Variants in DPH1 observed in about 807,000 individuals in gnomAD.
DPH1 encodes diphthamide biosynthesis 1.
DPH1 carries 59 observed loss-of-function variants against 55.3 expected under a neutral mutation model. The observed-to-expected ratio is 1.07, with a 90% CI of 0.87 to 1.33. The LOEUF (loss-of-function observed/expected upper bound fraction) is 1.33, where lower values mean the gene tolerates loss of function less well. Ranked by LOEUF, DPH1 falls within the 40% of genes most tolerant of loss-of-function variation. The probability of loss-of-function intolerance (pLI) is 0.00; values close to 1 mark genes in which losing one functional copy is unlikely to be tolerated. For missense variants in DPH1, 628 were observed against 584.8 expected, an observed-to-expected ratio of 1.07 and a Z score of -0.76; for synonymous variants, 238 against 235.5, an observed-to-expected ratio of 1.01 and a Z score of -0.10.
chr17:2,039,681 C>G, intron 6 of DPH1, 74 bp from the exon 7 acceptor site: 1 of 1,599,910 alleles, frequency 6.3e-7, no homozygotes, highest in East Asian at 2.2e-5. Context: ...CCGGCCAGCC[C>G]TGTGGACTTC....
At position 2,042,976 on chromosome 17, in the gene DPH1, G is replaced by T. The variant is rs745829483; in HGVS notation, c.*390G>T. On this transcript the variant is annotated 3_prime_UTR_variant, in exon 13 of 13. Transcript: ENST00000263083. ...CACTGACAAAGTCATCCCCTCTCAG[G>T]AGAGTGTGCAACTGGCCAGCCAATT... is the stretch of plus-strand genomic sequence containing the variant. The T allele has an allele frequency of 6.2e-7, 1 of 1,614,108 alleles. No homozygotes were observed. Among genetic ancestry groups the T allele is most frequent in the Non-Finnish European group, 8.5e-7 (1 of 1,180,032 alleles).
At position 2,036,132 on chromosome 17, in the gene DPH1, C is replaced by G; in HGVS notation, c.400+41C>G. 1.2e-6 allele frequency: 2 copies of G among 1,607,636 alleles called. No individual in the cohort carries two copies. The highest frequency in any genetic ancestry group is 1.7e-6 in the Non-Finnish European group (2 of 1,176,448). ...GACACCTGGACGGTGGCGGGGCTGG[C>G]AGGGAGGCAGGCTGCACATTCATCT... On this transcript the variant is annotated intron_variant, in intron 4 of 12. Coordinates refer to ENST00000263083, the MANE Select transcript of DPH1 (RefSeq NM_001383.6). This position sits in a 1 kb window ranked among gnomAD's most constrained non-coding sequence, Gnocchi z 4.8.
At chr17:2,041,408 G>T in intron 10 of DPH1, 73 bp from the exon 11 acceptor site, 1 of 1,553,920 alleles carries the variant, frequency 6.4e-7, no homozygotes, top group Non-Finnish European at 8.7e-7. Flanking sequence ...AGGCCGTCGT[G>T]AGGACTGAAT....
Position 2,041,514 on chromosome 17 carries a change from C to T in DPH1, c.1120C>T (p.Gln374Ter), listed in dbSNP as rs2067523338. ...AVALRDISWQ[Q>*]PYPMDFYAGS... ...GGCTCTGAGGGACATTTCCTGGCAG[C>T]AGCCCTACCCGATGGACTTCTACGC... Residue 374 changes from glutamine (Q) to a stop codon, truncating the protein, a stop_gained, in exon 11 of 13, where the codon CAG (glutamine) becomes TAG (stop). Coordinates refer to ENST00000263083, the MANE Select transcript of DPH1 (RefSeq NM_001383.6). LOFTEE classifies it high-confidence loss of function. 2 of 1,611,972 alleles carry T rather than the reference C, an allele frequency of 1.2e-6. No homozygotes were observed. Among genetic ancestry groups the T allele is most frequent in the Admixed American group, 1.7e-5 (1 of 59,652 alleles).
At position 2,031,565 on chromosome 17, in the gene DPH1, C is replaced by CAAA. The variant is rs56410346; in HGVS notation, c.61+1356_61+1358dup. On this transcript the variant is annotated intron_variant, in intron 1 of 12. Transcript: ENST00000263083. ...CAACAGACAGAGTGAGACTCTGTCT[C>CAAA]AAAAAAAAAAAAAAAAAAAAAAATT... Among the ~76,000 whole-genome samples the CAAA allele has an allele frequency of 7.5e-3, 520 of 69,460 alleles. 8 individuals carry two copies. The highest frequency in any genetic ancestry group is 0.012 in the Middle Eastern group (1 of 84). The allele number at this position is 69,460 out of a possible 152,430, so 45.6% of individuals were successfully genotyped here.
At chr17:2,041,904 G>A (rs2067536405) in intron 12 of DPH1, 29 bp downstream of exon 12, 2 of 1,545,962 alleles carry the variant, frequency 1.3e-6, no homozygotes, top group Non-Finnish European at 1.7e-6. Flanking sequence ...GGTGCGCCCC[G>A]CCTTTTGCCG....
intron 8 of DPH1, 21 bp downstream of exon 8, chr17:2,040,395 C>T (rs746079509): frequency 6.2e-7 from 1 of 1,613,604 alleles, no homozygotes; most frequent in Non-Finnish European, 8.5e-7. Flanking sequence ...TCAGGACAGC[C>T]TCTGGAGGAG....
At chr17:2,034,259 G>C (rs1420168291) in intron 3 of DPH1, among the ~76,000 whole-genome samples, 2 of 152,024 alleles carry the variant, frequency 1.3e-5, no homozygotes, top group Non-Finnish European at 2.9e-5. Context: ...GTAGGGCAAG[G>C]ATGGGTTTGG....
chr17:2,033,495 T>C lies in DPH1; in HGVS notation c.62-10T>C, dbSNP rs751314999. ...GACAGACACCAACTCAGGCCTTATA[T>C]CCATTCTAGGTCGGGCCCCTCGGGG... On this transcript the variant is annotated splice_polypyrimidine_tract_variant and intron_variant, in intron 1 of 12. Transcript: ENST00000263083. 3 of 1,613,872 alleles carry C rather than the reference T, an allele frequency of 1.9e-6. No homozygotes were observed. The highest frequency in any genetic ancestry group is 3.3e-5 in the Admixed American group (2 of 60,026).
intron 3 of DPH1, among the ~76,000 whole-genome samples, chr17:2,035,499 G>GAGTGGGGGCCCTGCCTGT (rs2067406928): frequency 8.3e-6 from 1 of 120,616 alleles, no homozygotes; most frequent in African/African-American, 2.9e-5. Flanking sequence ...GGTGGGGAGG[G>GAGTGGGGGCCCTGCCTGT]GGTGGGGGCC....
intron 10 of DPH1, 50 bp downstream of exon 10, chr17:2,041,231 G>C (rs1241822033): frequency 1.3e-6 from 2 of 1,565,684 alleles, no homozygotes; most frequent in East Asian, 4.7e-5. Flanking sequence ...GTTCTCAAAG[G>C]TGAGGTCTGG....
At chr17:2,040,929 G>A (rs1382455319) in intron 9 of DPH1, 174 bp from the exon 10 acceptor site, 1 of 706,856 alleles carries the variant, frequency 1.4e-6, no homozygotes, top group Non-Finnish European at 2.4e-6. Flanking sequence ...GAGGAAACAG[G>A]AGAAAACACG....
At chr17:2,035,731 C>T (rs1297406924) in intron 3 of DPH1, among the ~76,000 whole-genome samples, 1 of 152,048 alleles carries the variant, frequency 6.6e-6, no homozygotes, top group Non-Finnish European at 1.5e-5. Flanking sequence ...CAGCCTGAGC[C>T]TGGGTAGAGG....
At chr17:2,039,647 G>T in intron 6 of DPH1, 108 bp from the exon 7 acceptor site, 3 of 1,351,910 alleles carry the variant, frequency 2.2e-6, no homozygotes, top group Non-Finnish European at 3.2e-6. Flanking sequence ...AAAGTGCTGG[G>T]ATTACAGGCG....
intron 1 of DPH1, 23 bp from the exon 2 acceptor site, chr17:2,033,482 C>G (rs762819419): frequency 2.5e-6 from 4 of 1,613,586 alleles, no homozygotes; most frequent in Non-Finnish European, 3.4e-6. Context: ...CAGACACCAA[C>G]TCAGGCCTTA....
In DPH1 at chr17:2,036,187, T is replaced by C; in HGVS notation, c.400+96T>C. The stretch of plus-strand genomic sequence containing the variant: ...CATGGCAGTGCCTTCTTGTCCTGCT[T>C]GGAGACACAAGGTCCCTCCTGGTTT... On this transcript the variant is annotated intron_variant, in intron 4 of 12. Coordinates refer to ENST00000263083, the MANE Select transcript of DPH1 (RefSeq NM_001383.6). The surrounding 1 kb of genome is among the most constrained non-coding windows in gnomAD (Gnocchi z 4.8). 6.5e-7 allele frequency: 1 copy of C among 1,532,824 alleles called. No individual in the cohort carries two copies. The highest frequency in any genetic ancestry group is 2.4e-5 in the East Asian group (1 of 42,544). The allele number at this position is 1,532,824 out of a possible 1,614,324, so 95.0% of individuals were successfully genotyped here.
Position 2,033,857 on chromosome 17 carries a change from A to G in DPH1, c.278+15A>G, listed in dbSNP as rs1344240991. The G allele has an allele frequency of 7.4e-6, 12 of 1,613,754 alleles. No homozygotes were observed. Among genetic ancestry groups the G allele is most frequent in the Non-Finnish European group, 1.0e-5 (12 of 1,179,996 alleles). On this transcript the variant is annotated intron_variant, in intron 3 of 12. Transcript: ENST00000263083. ...ATCTTGGAAAGGTGAGGCTTGGGGC[A>G]CTGGAGAGGAGGGTGAGCCAGGCTT...
At chr17:2,040,442 G>C in intron 8 of DPH1, 63 bp from the exon 9 acceptor site, 1 of 1,613,674 alleles carries the variant, frequency 6.2e-7, no homozygotes, top group African/African-American at 1.3e-5. Flanking sequence ...AAACCAGTAG[G>C]CCACAGGTTC....
Position 2,043,839 on chromosome 17 carries a change from G to C in DPH1, c.*1253G>C, listed in dbSNP as rs531793802. Among the ~76,000 whole-genome samples, 6 of 152,316 alleles carry C rather than the reference G, an allele frequency of 3.9e-5. No homozygotes were observed. The Middle Eastern group carries it at 0.02, about 518-fold the overall frequency. ...GAGCCTGAAGGGTGGGTCGATGCCAGACCTTAGGTGGAGGCCAAAGACAGT... is the reference window on the plus strand; with the variant it reads ...GAGCCTGAAGGGTGGGTCGATGCCACACCTTAGGTGGAGGCCAAAGACAGT... On this transcript the variant is annotated 3_prime_UTR_variant, in exon 13 of 13. Coordinates refer to ENST00000263083, the MANE Select transcript of DPH1 (RefSeq NM_001383.6).
Sources: allele counts gnomAD v4.1 joint callset (sites outside exome capture counted in the v4.1 genomes callset), GRCh38; gene constraint gnomAD v4.1.1; non-coding constraint Gnocchi (gnomAD v3.1); transcripts MANE v1.5; gene names NCBI Gene and HGNC (gene_info 2026-07-23, HGNC 2026-07-21).